Variants in EPM2A observed in about 807,000 individuals in gnomAD.
The protein encoded by EPM2A is laforin.
A neutral mutation model predicts 26.5 loss-of-function variants in EPM2A; 21 were observed. The ratio of observed to expected loss-of-function variants is 0.79; its 90% CI spans 0.56 to 1.14. The LOEUF is 1.14. Among genes scored for constraint, EPM2A ranks in the 50% most tolerant of loss-of-function variants. The pLI is 0.00. For missense variants in EPM2A, 458 were observed against 440.8 expected (o/e 1.04, Z -0.35); for synonymous variants, 217 against 177.6 (o/e 1.22, Z -1.76).
At chr6:145,650,996 A>C (rs1364564548) in intron 2 of EPM2A, among the ~76,000 whole-genome samples, 1 of 152,232 alleles carries the variant, frequency 6.6e-6, no homozygotes, top group Non-Finnish European at 1.5e-5. Flanking sequence ...AGGTGCAGTA[A>C]AGAATCTGCC....
At chr6:145,686,438 A>AGAC in intron 1 of EPM2A, 142 bp from the exon 2 acceptor site, 1 of 705,702 alleles carries the variant, frequency 1.4e-6, no homozygotes, top group Non-Finnish European at 2.4e-6. Context: ...TAAACAAAAA[A>AGAC]GACTAGAGTG....
rs1295954103 is a variant in EPM2A, at chr6:145,698,185, A to G, written c.302-11889T>C. Among the ~76,000 whole-genome samples, 7 of 152,344 alleles carry G rather than the reference A, an allele frequency of 4.6e-5. No individual in the cohort carries two copies. The East Asian group carries it at 9.6e-4, about 21-fold the overall frequency. ...GACCTCCCGCAACAATTTGTTCTCA[A>G]CAATTAGAGTTAAGGTCATTCAAAT... On this transcript the variant is annotated intron_variant, in intron 1 of 3. Transcript: ENST00000367519.
intron 2 of EPM2A, among the ~76,000 whole-genome samples, chr6:145,610,400 C>T (rs1450856862): frequency 6.6e-6 from 1 of 152,136 alleles, no homozygotes; most frequent in East Asian, 1.9e-4. Context: ...TACTTCTGCC[C>T]TCTAAAGCAA....
At chr6:145,597,966 G>A (rs575385220) in intron 2 of EPM2A, among the ~76,000 whole-genome samples, 101 of 152,216 alleles carry the variant, frequency 6.6e-4, no homozygotes, top group African/African-American at 2.4e-3. Flanking sequence ...TCTTCATCCA[G>A]TCTGTCACTG....
At chr6:145,442,336 C>T (rs1353080408) in intron 4 of EPM2A, among the ~76,000 whole-genome samples, 1 of 152,150 alleles carries the variant, frequency 6.6e-6, no homozygotes, top group African/African-American at 2.4e-5. Context: ...CATTTTCACA[C>T]CACTGATAAA....
At chr6:145,383,646 C>T (rs1449622594) in exon 5 of EPM2A, 1 of 152,186 alleles carries the variant, frequency 6.6e-6, no homozygotes, top group African/African-American at 2.4e-5. Context: ...CAGGCCCTAC[C>T]TCCAACGCTG....
chr6:145,532,296 C>T (rs769845667), intron 2 of EPM2A, among the ~76,000 whole-genome samples: 3 of 152,068 alleles, frequency 2.0e-5, no homozygotes, highest in Non-Finnish European at 4.4e-5. Context: ...GATATAAACA[C>T]AAATCTTCTT....
At position 145,659,506 on chromosome 6, in the gene EPM2A, G is replaced by A. The variant is rs143364398; in HGVS notation, c.477-24020C>T. 7.4e-3 allele frequency among the ~76,000 whole-genome samples: 1,129 copies of A among 151,892 alleles called. 4 individuals carry two copies. Among genetic ancestry groups the A allele is most frequent in the Non-Finnish European group, 9.1e-3 (618 of 67,986 alleles). On this transcript the variant is annotated intron_variant, in intron 2 of 3. Transcript: ENST00000367519. Reference sequence around the variant, plus strand: ...ACTTCATAAAATTTTAAGTACCATCGACTCTCCCTTTATTAAAAAATAATT... The same window carrying A: ...ACTTCATAAAATTTTAAGTACCATCAACTCTCCCTTTATTAAAAAATAATT...
In EPM2A at chr6:145,626,379, C is replaced by T; in HGVS notation, c.*1037G>A. 1.0e-6 allele frequency: 1 copy of T among 986,006 alleles called. No homozygotes were observed. The highest frequency in any genetic ancestry group is 1.2e-6 in the Non-Finnish European group (1 of 830,066). 61.1% of individuals were successfully genotyped at this position (986,006 alleles called of 1,614,324 possible). A position where few individuals can be genotyped will look rare whatever the true frequency, so the allele number is the denominator to read the frequency against. ...TTATCCATGGATTTGGTCATTTGGG[C>T]TCTTTTGGTAGTATAGTTCCTCTCA... is the stretch of plus-strand genomic sequence containing the variant. On this transcript the variant is annotated 3_prime_UTR_variant, in exon 4 of 4. Transcript: ENST00000367519.
At chr6:145,398,544 C>T (rs1020125945) in intron 4 of EPM2A, among the ~76,000 whole-genome samples, 3 of 152,134 alleles carry the variant, frequency 2.0e-5, no homozygotes, top group African/African-American at 4.8e-5. Context: ...TCAAGAGCTT[C>T]CTAAATCCAT....
At chr6:145,431,349 C>T (rs538092655) in intron 4 of EPM2A, among the ~76,000 whole-genome samples, 1 of 152,180 alleles carries the variant, frequency 6.6e-6, no homozygotes, top group African/African-American at 2.4e-5. Flanking sequence ...AAGCCTGGTA[C>T]ATCAGAAAAC....
intron 4 of EPM2A, among the ~76,000 whole-genome samples, chr6:145,484,118 C>G (rs745522010): frequency 2.0e-5 from 3 of 152,078 alleles, no homozygotes; most frequent in Non-Finnish European, 2.9e-5. Flanking sequence ...TGATCAGAAA[C>G]AGCTGAAAAT....
chr6:145,718,828 T>G (rs1344623039), intron 1 of EPM2A, among the ~76,000 whole-genome samples: 3 of 152,140 alleles, frequency 2.0e-5, no homozygotes, highest in Non-Finnish European at 4.4e-5. Flanking sequence ...GAACAGACAC[T>G]TCTCAAAAGA....
At chr6:145,709,475 T>A (rs1005091958) in intron 1 of EPM2A, among the ~76,000 whole-genome samples, 2 of 152,172 alleles carry the variant, frequency 1.3e-5, no homozygotes, top group Non-Finnish European at 2.9e-5. Context: ...CTGCACACAC[T>A]CTCTGGCCCG....
intron 2 of EPM2A, among the ~76,000 whole-genome samples, chr6:145,647,577 C>T (rs1367396414): frequency 6.6e-6 from 1 of 152,156 alleles, no homozygotes; most frequent in Non-Finnish European, 1.5e-5. Context: ...TGTATTGTGA[C>T]TTCCTAGAGA....
chr6:145,488,346 T>G (rs1779704549), intron 4 of EPM2A, among the ~76,000 whole-genome samples: 2 of 152,174 alleles, frequency 1.3e-5, no homozygotes, highest in African/African-American at 4.8e-5. Context: ...TTTCTACTTC[T>G]GTGAAGAATG....
At chr6:145,679,128 T>C (rs1190827821) in intron 2 of EPM2A, among the ~76,000 whole-genome samples, 2 of 152,090 alleles carry the variant, frequency 1.3e-5, no homozygotes, top group Non-Finnish European at 2.9e-5. Context: ...GAAACCATCA[T>C]TCTCAGCAAA....
intron 1 of EPM2A, among the ~76,000 whole-genome samples, chr6:145,712,677 G>A (rs1013301783): frequency 6.6e-6 from 1 of 152,092 alleles, no homozygotes; most frequent in African/African-American, 2.4e-5. Flanking sequence ...TGAGTGTTTT[G>A]AGACACTAGC....
At chr6:145,502,505 G>A (rs954539044) in intron 3 of EPM2A, 5 of 469,510 alleles carry the variant, frequency 1.1e-5, no homozygotes, top group Admixed American at 9.4e-5. Context: ...ACTGGGAGGA[G>A]GTGCATACTC....
Sources: allele counts gnomAD v4.1 joint callset (sites outside exome capture counted in the v4.1 genomes callset), GRCh38; gene constraint gnomAD v4.1.1; transcripts MANE v1.5; gene names NCBI Gene and HGNC (gene_info 2026-07-23, HGNC 2026-07-21).